ADGRB3: variants seen among roughly 807,000 people sequenced by gnomAD.
ADGRB3 encodes the protein adhesion G protein-coupled receptor B3.
A neutral mutation model predicts 193.4 loss-of-function variants in ADGRB3; 37 were observed. The observed-to-expected ratio is 0.19, with a 90% CI of 0.15 to 0.25. The LOEUF is 0.25. Among genes scored for constraint, ADGRB3 ranks in the 10% least tolerant of loss-of-function variants. The probability of loss-of-function intolerance (pLI) is 1.00; values close to 1 mark genes in which losing one functional copy is unlikely to be tolerated. For synonymous variants in ADGRB3, 690 were observed against 644.2 expected (o/e 1.07, Z -1.08); for missense variants, 1,637 against 1,852.9 (o/e 0.88, Z 2.14).
chr6:68,644,894 A>G (rs529201053), intron 3 of ADGRB3, among the ~76,000 whole-genome samples: 3 of 152,236 alleles, frequency 2.0e-5, no homozygotes, highest in Admixed American at 1.3e-4. Flanking sequence ...GTTTCAGAGG[A>G]TTTTTACAAC....
intron 20 of ADGRB3, among the ~76,000 whole-genome samples, chr6:69,306,014 T>C (rs568940919): frequency 6.6e-6 from 1 of 151,584 alleles, no homozygotes; most frequent in African/African-American, 2.4e-5. Flanking sequence ...TGATTTAAAG[T>C]ACATGGAAGG....
rs564708469 is a variant in ADGRB3, at chr6:68,683,074, C to T, written c.757+43642C>T. Among the ~76,000 whole-genome samples, 12 of 151,996 alleles carry T rather than the reference C, an allele frequency of 7.9e-5. No individual in the cohort carries two copies. The East Asian group carries it at 1.4e-3, about 17-fold the overall frequency. On this transcript the variant is annotated intron_variant, in intron 3 of 31. Coordinates refer to ENST00000370598, the MANE Select transcript of ADGRB3 (RefSeq NM_001704.3). Reference sequence around the variant, plus strand: ...TGCTGGGATTATAGGCATGAGCCACCGCGCCTGGCCAATTCAGTGTTTTCT... The same window carrying T: ...TGCTGGGATTATAGGCATGAGCCACTGCGCCTGGCCAATTCAGTGTTTTCT...
At chr6:69,139,643 C>T (rs1455517650) in intron 17 of ADGRB3, among the ~76,000 whole-genome samples, 1 of 152,026 alleles carries the variant, frequency 6.6e-6, no homozygotes, top group Non-Finnish European at 1.5e-5. Context: ...TTATATATTC[C>T]CTAAATTAAT....
intron 3 of ADGRB3, among the ~76,000 whole-genome samples, chr6:68,888,763 G>A (rs995460973): frequency 1.2e-4 from 19 of 152,298 alleles, no homozygotes; most frequent in African/African-American, 4.1e-4. Flanking sequence ...TGACATTTAA[G>A]TATGGTCCTG....
At chr6:68,986,251 G>A (rs556776070) in intron 10 of ADGRB3, among the ~76,000 whole-genome samples, 2 of 152,194 alleles carry the variant, frequency 1.3e-5, no homozygotes, top group Middle Eastern at 3.4e-3. Flanking sequence ...AATTCATGCT[G>A]TCCAATCTCT....
chr6:68,899,210 A>G (rs896543127), intron 3 of ADGRB3, among the ~76,000 whole-genome samples: 1 of 152,186 alleles, frequency 6.6e-6, no homozygotes, highest in Non-Finnish European at 1.5e-5. Flanking sequence ...AAATTAGTTG[A>G]CAACTACCAA....
At chr6:68,815,970 C>T (rs988848641) in intron 3 of ADGRB3, among the ~76,000 whole-genome samples, 1 of 151,858 alleles carries the variant, frequency 6.6e-6, no homozygotes, top group Non-Finnish European at 1.5e-5. Context: ...AACATACTTT[C>T]TTCTGTCTTT....
intron 17 of ADGRB3, among the ~76,000 whole-genome samples, chr6:69,086,169 A>G (rs1296367702): frequency 6.6e-6 from 1 of 152,172 alleles, no homozygotes; most frequent in Non-Finnish European, 1.5e-5. Flanking sequence ...ATTTAAAAAT[A>G]TACATAAACA....
chr6:69,331,419 A>G (rs899579931), intron 23 of ADGRB3: 2 of 352,022 alleles, frequency 5.7e-6, no homozygotes, highest in African/African-American at 4.5e-5. Flanking sequence ...ATATTGCTAT[A>G]CAATTATATT....
intron 5 of ADGRB3, among the ~76,000 whole-genome samples, chr6:68,942,817 G>A (rs1261814240): frequency 2.6e-5 from 4 of 152,016 alleles, no homozygotes; most frequent in East Asian, 3.9e-4. Flanking sequence ...CACTATTTTG[G>A]CCAGGCTGGC....
At chr6:68,817,268 T>C (rs867227871) in intron 3 of ADGRB3, among the ~76,000 whole-genome samples, 16 of 135,966 alleles carry the variant, frequency 1.2e-4, no homozygotes, top group South Asian at 2.4e-4. Context: ...TCTGAATTAA[T>C]TAATAGTGAA....
At chr6:68,667,077 G>T (rs1179350755) in intron 3 of ADGRB3, among the ~76,000 whole-genome samples, 3 of 151,658 alleles carry the variant, frequency 2.0e-5, no homozygotes, top group Admixed American at 1.3e-4. Flanking sequence ...AGAATATATA[G>T]AATTATATTA....
chr6:68,859,159 G>A (rs1253619210), intron 3 of ADGRB3, among the ~76,000 whole-genome samples: 2 of 152,160 alleles, frequency 1.3e-5, no homozygotes, highest in African/African-American at 4.8e-5. Context: ...AGGGCAATAT[G>A]CTGCCAGTCT....
chr6:69,182,355 A>G (rs1237654434), intron 17 of ADGRB3, among the ~76,000 whole-genome samples: 1 of 151,996 alleles, frequency 6.6e-6, no homozygotes. Context: ...CTTGTTCCCC[A>G]GAAACCTATG....
At chr6:69,189,477 A>AT in intron 17 of ADGRB3, among the ~76,000 whole-genome samples, 1 of 152,304 alleles carries the variant, frequency 6.6e-6, no homozygotes, top group Admixed American at 6.5e-5. Flanking sequence ...ATGGGTAAAC[A>AT]TTTTTTATTA....
intron 20 of ADGRB3, among the ~76,000 whole-genome samples, chr6:69,297,218 A>G (rs992323397): frequency 3.3e-5 from 5 of 152,204 alleles, no homozygotes; most frequent in East Asian, 1.9e-4. Context: ...TGTGACATCA[A>G]TAGAGCCAAT....
At chr6:69,031,571 C>CTTT in intron 13 of ADGRB3, among the ~76,000 whole-genome samples, 1 of 106,854 alleles carries the variant, frequency 9.4e-6, no homozygotes, top group Non-Finnish European at 1.9e-5. Flanking sequence ...TTCTTTTCTT[C>CTTT]CTCTGTCTCT....
intron 11 of ADGRB3, among the ~76,000 whole-genome samples, chr6:69,006,865 G>T (rs1769772839): frequency 6.6e-6 from 1 of 151,636 alleles, no homozygotes; most frequent in African/African-American, 2.4e-5. Flanking sequence ...CTCTTCTTAT[G>T]AATTTACCTT....
chr6:68,871,338 A>G (rs1296858349), intron 3 of ADGRB3, among the ~76,000 whole-genome samples: 1 of 152,220 alleles, frequency 6.6e-6, no homozygotes, highest in East Asian at 1.9e-4. Flanking sequence ...CTGAGGGGAA[A>G]TAGGGGTAAA....
Sources: allele counts gnomAD v4.1 joint callset (sites outside exome capture counted in the v4.1 genomes callset), GRCh38; gene constraint gnomAD v4.1.1; transcripts MANE v1.5; gene names NCBI Gene and HGNC (gene_info 2026-07-23, HGNC 2026-07-21).